DIP2A: variants seen among roughly 807,000 people sequenced by gnomAD.
The protein encoded by DIP2A is DIP2 acetate--CoA ligase A.
Under a neutral mutation model 177.4 loss-of-function variants are expected in DIP2A, and 85 were observed. The observed-to-expected ratio is 0.48, with a 90% CI of 0.40 to 0.57. The LOEUF is 0.57. Ranked by LOEUF, DIP2A falls within the 20% of genes least tolerant of loss-of-function variation. The pLI is 0.00. For missense variants in DIP2A, 1,791 were observed against 2,100.2 expected, an observed-to-expected ratio of 0.85 and a Z score of 2.88; for synonymous variants, 886 against 881.8, an observed-to-expected ratio of 1.00 and a Z score of -0.08.
At position 46,465,615 on chromosome 21, in the gene DIP2A, T is replaced by C. The variant is rs1238993826; in HGVS notation, c.91+6393T>C. Among the ~76,000 whole-genome samples the C allele has an allele frequency of 3.3e-5, 5 of 152,138 alleles. No homozygotes were observed. In the East Asian group the frequency reaches 5.8e-4, roughly 18 times the overall value. On this transcript the variant is annotated intron_variant, in intron 1 of 37. Coordinates refer to ENST00000417564, the MANE Select transcript of DIP2A (RefSeq NM_015151.4). ...TAATAGGGAAAACTGCTGGGCACTTTAACGTAAATTGAGGCAGGGACTCCA... is the reference window on the plus strand; with the variant it reads ...TAATAGGGAAAACTGCTGGGCACTTCAACGTAAATTGAGGCAGGGACTCCA...
intron 3 of DIP2A, among the ~76,000 whole-genome samples, chr21:46,492,607 G>T (rs964209210): frequency 3.9e-5 from 6 of 152,128 alleles, no homozygotes; most frequent in South Asian, 2.1e-4. Context: ...CCTTTGGGAG[G>T]TAATTAGGTT....
downstream of DIP2A, among the ~76,000 whole-genome samples, chr21:46,573,835 G>C (rs893950951): frequency 2.0e-5 from 3 of 151,900 alleles, no homozygotes; most frequent in Non-Finnish European, 4.4e-5. Context: ...TACAATGACA[G>C]ATCATCAAAA....
chr21:46,548,364 G>A (rs572927854), intron 21 of DIP2A, among the ~76,000 whole-genome samples: 44 of 152,262 alleles, frequency 2.9e-4, no homozygotes, highest in African/African-American at 1.0e-3. Context: ...CCACCCCCTC[G>A]CAGGGCCACC....
chr21:46,549,229 T>C (rs960151866), intron 21 of DIP2A, among the ~76,000 whole-genome samples: 2 of 152,096 alleles, frequency 1.3e-5, no homozygotes, highest in Admixed American at 6.5e-5. Flanking sequence ...CATCCTAACA[T>C]GATGGGTTTG....
intron 1 of DIP2A, among the ~76,000 whole-genome samples, chr21:46,482,297 A>G (rs1056216744): frequency 2.0e-5 from 3 of 152,184 alleles, no homozygotes; most frequent in African/African-American, 7.2e-5. Context: ...ACGATTGACC[A>G]CATATATAAC....
intron 5 of DIP2A, among the ~76,000 whole-genome samples, chr21:46,499,305 T>G (rs2057527113): frequency 6.6e-6 from 1 of 152,220 alleles, no homozygotes; most frequent in African/African-American, 2.4e-5. Context: ...TCATAACACC[T>G]TCCTGCTCTT....
intron 8 of DIP2A, among the ~76,000 whole-genome samples, chr21:46,519,864 T>TA (rs2058746127): frequency 6.7e-5 from 3 of 44,518 alleles, no homozygotes; most frequent in Middle Eastern, 8.6e-3. Flanking sequence ...GATTTTTTTT[T>TA]TTTTTTTTTT....
chr21:46,533,874 A>C, intron 11 of DIP2A, 130 bp from the exon 12 acceptor site: 1 of 976,022 alleles, frequency 1.0e-6, no homozygotes, highest in Non-Finnish European at 1.5e-6. Context: ...ATATAAAATG[A>C]AATGAGACTA....
At position 46,459,167 on chromosome 21, in the gene DIP2A, G is replaced by A. The variant is rs1437241833; in HGVS notation, c.36G>A (p.Pro12=). ...ADRGCPLEAA[P]LPAEVRESLA... ...GCGGGTGCCCGCTGGAGGCGGCGCC[G>A]CTGCCTGCCGAGGTGCGGGAGAGCC... The change falls in exon 1 of 38, where the codon CCG becomes CCA. Residue 12 remains proline, a synonymous_variant. Coordinates refer to ENST00000417564, the MANE Select transcript of DIP2A (RefSeq NM_015151.4). 2 of 1,520,016 alleles carry A rather than the reference G, an allele frequency of 1.3e-6. No individual in the cohort carries two copies. Among genetic ancestry groups the A allele is most frequent in the Non-Finnish European group, 8.8e-7 (1 of 1,134,690 alleles). The allele number at this position is 1,520,016 out of a possible 1,614,324, so 94.2% of individuals were successfully genotyped here.
chr21:46,464,651 G>A (rs930155349), intron 1 of DIP2A, among the ~76,000 whole-genome samples: 2 of 152,068 alleles, frequency 1.3e-5, no homozygotes, highest in Non-Finnish European at 2.9e-5. Flanking sequence ...ATGTGTGGAC[G>A]AGAGAGGAAG....
At chr21:46,577,790 G>A in the DIP2A span, among the ~76,000 whole-genome samples, 8 of 152,226 alleles carry the variant, frequency 5.3e-5, no homozygotes, top group African/African-American at 1.4e-4. Context: ...CCATTTGTTT[G>A]TGTCTTCTCT....
intron 21 of DIP2A, among the ~76,000 whole-genome samples, chr21:46,548,208 GTT>G (rs534647536): frequency 6.6e-6 from 1 of 151,728 alleles, no homozygotes; most frequent in African/African-American, 2.4e-5. Flanking sequence ...GTGTGTGTGT[GTT>G]TGTGTGCGCC....
Position 46,569,765 on chromosome 21 carries a change from C to T in DIP2A, c.*2143C>T, listed in dbSNP as rs1055320662. The stretch of plus-strand genomic sequence containing the variant: ...TTAAATTACCCCGAATAGGTTGTAT[C>T]TTATTTTGCTTTTTTTCTGACTATA... On this transcript the variant is annotated 3_prime_UTR_variant, in exon 38 of 38. Coordinates refer to ENST00000417564, the MANE Select transcript of DIP2A (RefSeq NM_015151.4). The T allele has an allele frequency of 1.1e-4, 16 of 147,878 alleles. No homozygotes were observed. The highest frequency in any genetic ancestry group is 3.9e-4 in the African/African-American group (15 of 38,324). 9.2% of individuals were successfully genotyped at this position (147,878 alleles called of 1,614,324 possible). A position where few individuals can be genotyped will look rare whatever the true frequency, so the allele number is the denominator to read the frequency against.
At chr21:46,561,870 C>T (rs527816922) in intron 34 of DIP2A, 65 bp downstream of exon 34, 77 of 1,602,768 alleles carry the variant, frequency 4.8e-5, no homozygotes, top group Admixed American at 1.0e-4. Context: ...AGCATCACCC[C>T]GTGGAGGGTG....
intron 1 of DIP2A, among the ~76,000 whole-genome samples, chr21:46,463,680 T>TTTTGTGTGTGTGTGTGTG: frequency 7.6e-6 from 1 of 131,040 alleles, no homozygotes; most frequent in East Asian, 2.1e-4. Flanking sequence ...TGGGATATAT[T>TTTTGTGTGTGTGTGTGTG]TGTGTGTGTG....
chr21:46,561,003 G>C (rs774485926), intron 33 of DIP2A: 1 of 985,330 alleles, frequency 1.0e-6, no homozygotes, highest in Admixed American at 6.1e-5. Flanking sequence ...CACTCCGGGC[G>C]TGCCTCCCAG....
the DIP2A span, among the ~76,000 whole-genome samples, chr21:46,583,255 A>T: frequency 6.6e-6 from 1 of 152,232 alleles, no homozygotes; most frequent in African/African-American, 2.4e-5. Flanking sequence ...CACACAACTG[A>T]CAGAAATAAG....
At chr21:46,522,686 C>T (rs886725159) in intron 8 of DIP2A, among the ~76,000 whole-genome samples, 3 of 152,132 alleles carry the variant, frequency 2.0e-5, no homozygotes, top group East Asian at 1.9e-4. Flanking sequence ...AGAGCTCTCT[C>T]GTCATGTGAA....
At chr21:46,496,070 CAA>C (rs34294415) in intron 3 of DIP2A, among the ~76,000 whole-genome samples, 18 of 150,144 alleles carry the variant, frequency 1.2e-4, no homozygotes, top group East Asian at 7.9e-4. Flanking sequence ...GACTCCATCT[CAA>C]AAAAAAAAAT....
Sources: gnomAD v4.1 joint callset for allele counts (sites outside exome capture counted in the v4.1 genomes callset) on GRCh38, gnomAD v4.1.1 for gene constraint, MANE v1.5 for transcripts, NCBI Gene and HGNC (gene_info 2026-07-23, HGNC 2026-07-21) for gene names.